Variants in HIF3A observed in about 807,000 individuals in gnomAD.
HIF3A encodes the protein hypoxia-inducible factor 3-alpha.
In HIF3A, 41 loss-of-function variants were observed where a neutral mutation model predicts 67.2. The ratio of observed to expected loss-of-function variants is 0.61; its 90% confidence interval spans 0.48 to 0.79. The LOEUF is 0.79. Ranked by LOEUF, HIF3A falls within the 30% of genes least tolerant of loss-of-function variation. HIF3A has a pLI of 0.00. For synonymous variants in HIF3A, 356 were observed against 374.8 expected (o/e 0.95, Z 0.58); for missense variants, 855 against 898.0 (o/e 0.95, Z 0.61).
intron 8 of HIF3A, among the ~76,000 whole-genome samples, chr19:46,319,936 G>T (rs1374239299): frequency 1.3e-5 from 2 of 152,060 alleles, no homozygotes; most frequent in Non-Finnish European, 2.9e-5. Flanking sequence ...TTTTAAAAAT[G>T]GTGTCAGAAT....
chr19:46,303,787 G>T, intron 1 of HIF3A, 111 bp from the exon 2 acceptor site: 1 of 1,496,916 alleles, frequency 6.7e-7, no homozygotes, highest in East Asian at 2.4e-5. Flanking sequence ...GCGCAGCCGC[G>T]GCCCAGCACT....
intron 1 of HIF3A, among the ~76,000 whole-genome samples, chr19:46,300,714 G>C (rs1349639621): frequency 6.6e-6 from 1 of 152,192 alleles, no homozygotes; most frequent in African/African-American, 2.4e-5. Context: ...GTAAGTAGTA[G>C]CTTATAAGTA....
chr19:46,305,982 G>C (rs1250585752), intron 3 of HIF3A, among the ~76,000 whole-genome samples: 1 of 152,204 alleles, frequency 6.6e-6, no homozygotes, highest in African/African-American at 2.4e-5. Flanking sequence ...GGGAGGCTGA[G>C]GTGGGAAGAT....
chr19:46,323,719 T>C (rs894984798), intron 10 of HIF3A, among the ~76,000 whole-genome samples: 1 of 152,174 alleles, frequency 6.6e-6, no homozygotes, highest in Non-Finnish European at 1.5e-5. Flanking sequence ...CGGTTCCACA[T>C]GGCTGGGGAG....
chr19:46,337,359 T>G (rs1035656126), intron 14 of HIF3A, among the ~76,000 whole-genome samples: 3 of 152,106 alleles, frequency 2.0e-5, no homozygotes, highest in African/African-American at 7.2e-5. Context: ...CAAGCGATCC[T>G]CCCATCTCAG....
intron 13 of HIF3A, among the ~76,000 whole-genome samples, chr19:46,333,841 G>A (rs1971422136): frequency 8.4e-6 from 1 of 119,228 alleles, no homozygotes; most frequent in Admixed American, 1.1e-4. Context: ...CGCCCAGGCT[G>A]GAGTGCAGTG....
intron 8 of HIF3A, among the ~76,000 whole-genome samples, chr19:46,313,951 T>C (rs1969704875): frequency 6.6e-6 from 1 of 150,980 alleles, no homozygotes; most frequent in South Asian, 2.2e-4. Flanking sequence ...CATGAGCCAC[T>C]GCACCCGGCC....
At chr19:46,324,572 G>T (rs4803930) in intron 10 of HIF3A, among the ~76,000 whole-genome samples, 120,444 of 152,020 alleles carry the variant, frequency 0.79, 48,330 homozygotes, top group African/African-American at 0.85. Flanking sequence ...CTTGGCCTCA[G>T]GCTGGGTGCG....
chr19:46,304,288 T>C (rs1968624481), intron 2 of HIF3A, 200 bp downstream of exon 2: 2 of 590,764 alleles, frequency 3.4e-6, no homozygotes, highest in South Asian at 2.0e-5. Flanking sequence ...CCTGGCCTGC[T>C]GGGAGTCCCG....
rs1971873208 is a variant in HIF3A at position 46,339,895 on chromosome 19, C to T, written c.*273C>T. 2.7e-6 allele frequency: 1 copy of T among 368,270 alleles called. No homozygotes were observed. Among genetic ancestry groups the T allele is most frequent in the Non-Finnish European group, 4.8e-6 (1 of 206,796 alleles). The allele number at this position is 368,270 out of a possible 1,614,324, so 22.8% of individuals were successfully genotyped here. A position where few individuals can be genotyped will look rare whatever the true frequency, so the allele number is the denominator to read the frequency against. ...AGGATTTCTCTTGGGGTTCTCAATA[C>T]TTGGTTACCTCATTATCCCTTTCTC... On this transcript the variant is annotated 3_prime_UTR_variant, in exon 15 of 15. Coordinates refer to ENST00000377670, the MANE Select transcript of HIF3A (RefSeq NM_152795.4).
chr19:46,335,374 G>A (rs1364395523), intron 14 of HIF3A, among the ~76,000 whole-genome samples: 1 of 151,732 alleles, frequency 6.6e-6, no homozygotes, highest in Non-Finnish European at 1.5e-5. Flanking sequence ...GGTTCAAGTG[G>A]TTCTCCTGCC....
At chr19:46,331,062 A>G in intron 12 of HIF3A, 94 bp from the exon 13 acceptor site, 2 of 857,422 alleles carry the variant, frequency 2.3e-6, no homozygotes, top group Non-Finnish European at 3.7e-6. Flanking sequence ...ATAGGTGCTC[A>G]GGGGAGTGAA....
chr19:46,297,194 G>A lies in HIF3A; in HGVS notation c.26+92G>A, dbSNP rs1248951619. On this transcript the variant is annotated intron_variant, in intron 1 of 14. Coordinates refer to ENST00000377670, the MANE Select transcript of HIF3A (RefSeq NM_152795.4). The surrounding 1 kb of genome is among the most constrained non-coding windows in gnomAD (Gnocchi z 4.5). ...GATTGTTGGGGGGGGTGGGGTTCGC[G>A]GGTGCGAGCCAAGAACGCCCCGGGG... is the stretch of plus-strand genomic sequence containing the variant. The A allele has an allele frequency of 1.7e-5, 12 of 715,900 alleles. No homozygotes were observed. The highest frequency in any genetic ancestry group is 2.0e-5 in the Non-Finnish European group (10 of 502,348). The allele number at this position is 715,900 out of a possible 1,614,324, so 44.3% of individuals were successfully genotyped here. A position where few individuals can be genotyped will look rare whatever the true frequency, so the allele number is the denominator to read the frequency against.
In HIF3A at chr19:46,312,712, GGTGTGTGT is replaced by G. The variant is rs112839120; in HGVS notation, c.1025+77_1025+84del. 9.8e-6 allele frequency: 14 copies of G among 1,433,542 alleles called. No individual in the cohort carries two copies. In the African/African-American group the frequency reaches 1.8e-4, roughly 18 times the overall value. The allele number at this position is 1,433,542 out of a possible 1,614,324, so 88.8% of individuals were successfully genotyped here. The stretch of plus-strand genomic sequence containing the variant: ...TGGGCCTGATCTGCATGTGTGGACA[GGTGTGTGT>G]GTGTGTGTGTGTGTGTGCGTATGAG... On this transcript the variant is annotated intron_variant, in intron 8 of 14. Transcript: ENST00000377670.
Position 46,341,409 on chromosome 19 carries a change from A to T in HIF3A, c.*1787A>T, listed in dbSNP as rs529407072. 1 of 152,152 alleles carries T rather than the reference A, an allele frequency of 6.6e-6. No homozygotes were observed. The highest frequency in any genetic ancestry group is 1.9e-4 in the East Asian group (1 of 5,166). The allele number at this position is 152,152 out of a possible 1,614,324, so 9.4% of individuals were successfully genotyped here. A position where few individuals can be genotyped will look rare whatever the true frequency, so the allele number is the denominator to read the frequency against. On this transcript the variant is annotated 3_prime_UTR_variant, in exon 15 of 15. Coordinates refer to ENST00000377670, the MANE Select transcript of HIF3A (RefSeq NM_152795.4). Reference sequence around the variant, plus strand: ...GAGACAGTGTTTCACCATGTTGGCCAGGCTGGTCTTGAACTCCCGACCTCA... The same window carrying T: ...GAGACAGTGTTTCACCATGTTGGCCTGGCTGGTCTTGAACTCCCGACCTCA...
intron 3 of HIF3A, among the ~76,000 whole-genome samples, chr19:46,307,789 C>T (rs1968996743): frequency 6.6e-6 from 1 of 151,528 alleles, no homozygotes; most frequent in Non-Finnish European, 1.5e-5. Flanking sequence ...GGTGTAGTGG[C>T]ATGTGACTGT....
intron 13 of HIF3A, 95 bp downstream of exon 13, chr19:46,331,368 C>T: frequency 1.0e-6 from 1 of 977,112 alleles, no homozygotes; most frequent in Non-Finnish European, 1.6e-6. Flanking sequence ...GGGGCAGGGG[C>T]TGGTTGAGGG....
chr19:46,303,604 AG>A, intron 1 of HIF3A: 1 of 1,555,878 alleles, frequency 6.4e-7, no homozygotes, highest in South Asian at 1.2e-5. Context: ...ACTGCAGATA[AG>A]TCAGGGAGGG....
chr19:46,303,363 T>C (rs1280783455), intron 1 of HIF3A, among the ~76,000 whole-genome samples: 1 of 152,062 alleles, frequency 6.6e-6, no homozygotes, highest in Non-Finnish European at 1.5e-5. Context: ...AGGGCCCCTG[T>C]TGGTGGTTCA....
Sources: allele counts gnomAD v4.1 joint callset (sites outside exome capture counted in the v4.1 genomes callset), GRCh38; gene constraint gnomAD v4.1.1; non-coding constraint Gnocchi (gnomAD v3.1); transcripts MANE v1.5; gene names NCBI Gene and HGNC (gene_info 2026-07-23, HGNC 2026-07-21).